CUX1: variants seen among roughly 807,000 people sequenced by gnomAD.
CUX1 encodes cut like homeobox 1, also known as protein CASP.
A neutral mutation model predicts 158.8 loss-of-function variants in CUX1; 31 were observed. That is an observed-to-expected ratio of 0.20 (90% CI 0.15 to 0.26). The LOEUF (loss-of-function observed/expected upper bound fraction) is 0.26. CUX1 is among the 10% of genes least tolerant of loss of function. The pLI is 1.00. For missense variants in CUX1, 1,589 were observed against 2,014.6 expected, an observed-to-expected ratio of 0.79 and a Z score of 4.04; for synonymous variants, 879 against 862.1, an observed-to-expected ratio of 1.02 and a Z score of -0.34.
At chr7:102,079,081 T>C (rs906292131) in intron 4 of CUX1, among the ~76,000 whole-genome samples, 6 of 152,226 alleles carry the variant, frequency 3.9e-5, no homozygotes, top group Admixed American at 3.3e-4. Context: ...TGTTCTTTTA[T>C]ACTTCTTTCT....
At chr7:102,186,094 T>C (rs782105431) in intron 11 of CUX1, among the ~76,000 whole-genome samples, 10 of 152,160 alleles carry the variant, frequency 6.6e-5, no homozygotes, top group Non-Finnish European at 1.2e-4. Flanking sequence ...GAAACCAGGC[T>C]TTCTGGGAAC....
Position 102,248,772 on chromosome 7 carries a change from C to T in CUX1, c.4248C>T (p.Ala1416=). 1 of 1,042,542 alleles carries T rather than the reference C, an allele frequency of 9.6e-7. No homozygotes were observed. The highest frequency in any genetic ancestry group is 1.2e-6 in the Non-Finnish European group (1 of 866,360). The allele number at this position is 1,042,542 out of a possible 1,614,324, so 64.6% of individuals were successfully genotyped here. Residue 1416 remains alanine (A), a synonymous_variant, in exon 24 of 24, where the codon GCC becomes GCT. Coordinates refer to ENST00000292535, the MANE Select transcript of CUX1 (RefSeq NM_181552.4). The surrounding 1 kb of genome is among the most constrained non-coding windows in gnomAD (Gnocchi z 5.8). ...CGACCGCCACCGCCGCGCCCGCGGC[C>T]CCCGAGGACGCCGCTACCTCAGCCG... ...ASATATAAPA[A]PEDAATSAAA... is the part of the protein sequence containing the mutation.
chr7:102,138,708 A>G lies in CUX1; in HGVS notation c.675-19852A>G, dbSNP rs1308801779. ...TGGACCTACAAATTCCTGCTGGTGA[A>G]TTCTTTAAAGTTATATGGATTTTCA... On this transcript the variant is annotated intron_variant, in intron 8 of 23. Transcript: ENST00000292535. Among the ~76,000 whole-genome samples the G allele has an allele frequency of 3.9e-5, 6 of 152,176 alleles. No individual in the cohort carries two copies. The East Asian group carries it at 5.8e-4, about 15-fold the overall frequency.
At chr7:102,123,837 A>G (rs919089884) in intron 8 of CUX1, among the ~76,000 whole-genome samples, 6 of 151,708 alleles carry the variant, frequency 4.0e-5, no homozygotes, top group African/African-American at 1.2e-4. Context: ...TAATTTTTGT[A>G]TTTTTAGTAG....
upstream of CUX1, chr7:101,817,623 G>A (rs1792012193): frequency 6.5e-7 from 1 of 1,549,098 alleles, no homozygotes; most frequent in African/African-American, 1.4e-5. The surrounding 1 kb of genome is among the most constrained non-coding windows in gnomAD (Gnocchi z 4.1). Context: ...GGACAGCCCC[G>A]GGACTCTGCC....
intron 2 of CUX1, among the ~76,000 whole-genome samples, chr7:101,953,918 T>C (rs2129162521): frequency 6.6e-6 from 1 of 152,336 alleles, no homozygotes; most frequent in Non-Finnish European, 1.5e-5. Context: ...ATGGGCAGCA[T>C]GTCTGTATGT....
chr7:102,221,412 T>C (rs1797779882), intron 20 of CUX1, among the ~76,000 whole-genome samples: 1 of 152,226 alleles, frequency 6.6e-6, no homozygotes, highest in Non-Finnish European at 1.5e-5. Flanking sequence ...GAAACGACTT[T>C]ATCCTGACTG....
Position 102,043,096 on chromosome 7 carries a change from G to A in CUX1, c.189+14951G>A, listed in dbSNP as rs112982675. On this transcript the variant is annotated intron_variant, in intron 3 of 23. Coordinates refer to ENST00000292535, the MANE Select transcript of CUX1 (RefSeq NM_181552.4). ...CTCCTGATTAGCAGGGACTGTGGACGTGTGCCACCACGCCTGGCTAATTTT... is the reference window on the plus strand; with the variant it reads ...CTCCTGATTAGCAGGGACTGTGGACATGTGCCACCACGCCTGGCTAATTTT... 9.0e-4 allele frequency among the ~76,000 whole-genome samples: 137 copies of A among 152,270 alleles called. 1 individual carries two copies. Among genetic ancestry groups the A allele is most frequent in the African/African-American group, 3.1e-3 (128 of 41,558 alleles).
chr7:102,060,562 T>TAC (rs958241921), intron 3 of CUX1, among the ~76,000 whole-genome samples: 4 of 149,830 alleles, frequency 2.7e-5, no homozygotes, highest in African/African-American at 2.5e-5. Flanking sequence ...AGTATATATA[T>TAC]ACACACACAC....
chr7:101,848,726 G>C (rs949427276), intron 1 of CUX1, among the ~76,000 whole-genome samples: 3 of 151,936 alleles, frequency 2.0e-5, no homozygotes, highest in Non-Finnish European at 2.9e-5. Flanking sequence ...AGAAGACAAA[G>C]TGTGGCCGGG....
chr7:102,207,138 A>T (rs1382537507), intron 20 of CUX1, among the ~76,000 whole-genome samples: 1 of 152,348 alleles, frequency 6.6e-6, no homozygotes, highest in East Asian at 1.9e-4. Context: ...TATTTGTAAA[A>T]TATCAATTGA....
At chr7:102,227,270 A>G (rs1554528879) in intron 20 of CUX1, 97 bp from the exon 21 acceptor site, 2 of 1,070,852 alleles carry the variant, frequency 1.9e-6, no homozygotes, top group African/African-American at 3.2e-5. Flanking sequence ...CTTCTCCTAC[A>G]GAGCGTTTAA....
At chr7:102,163,943 G>A (rs78231994) in intron 9 of CUX1, among the ~76,000 whole-genome samples, 9,732 of 152,282 alleles carry the variant, frequency 0.064, 428 homozygotes, top group African/African-American at 0.11. Flanking sequence ...TGGAGAAGTA[G>A]CAGAGGGGTC....
chr7:102,117,271 G>A (rs914757778), intron 8 of CUX1, among the ~76,000 whole-genome samples: 2 of 151,848 alleles, frequency 1.3e-5, no homozygotes, highest in Admixed American at 6.6e-5. Flanking sequence ...GGTGGCGTGC[G>A]CCTGTAACCC....
At chr7:102,199,027 C>T (rs1404676287) in intron 16 of CUX1, among the ~76,000 whole-genome samples, 160 bp downstream of exon 16, 2 of 152,142 alleles carry the variant, frequency 1.3e-5, no homozygotes, top group Admixed American at 6.6e-5. Context: ...TCAAGCACAC[C>T]CAGCCCCTTC....
intron 1 of CUX1, among the ~76,000 whole-genome samples, chr7:101,839,825 G>A (rs149386081): frequency 5.9e-5 from 9 of 152,044 alleles, no homozygotes; most frequent in Admixed American, 1.3e-4. Context: ...ACAATGGCGC[G>A]GTCTTGGCTC....
At chr7:102,171,454 CT>C (rs1387555080) in intron 10 of CUX1, among the ~76,000 whole-genome samples, 1 of 123,276 alleles carries the variant, frequency 8.1e-6, no homozygotes, top group South Asian at 2.7e-4. Flanking sequence ...TTTTTTTTTT[CT>C]TTTTTTTTCT....
At chr7:102,073,682 A>C (rs1180131640) in intron 4 of CUX1, among the ~76,000 whole-genome samples, 1 of 152,168 alleles carries the variant, frequency 6.6e-6, no homozygotes. Flanking sequence ...AACCTTGTCC[A>C]TGTACATGTA....
intron 12 of CUX1, among the ~76,000 whole-genome samples, chr7:102,190,339 C>T (rs1794140512): frequency 6.6e-6 from 1 of 152,214 alleles, no homozygotes; most frequent in Admixed American, 6.5e-5. Flanking sequence ...AGCTTATCAT[C>T]TTTTCAGGGC....
Sources: allele counts gnomAD v4.1 joint callset (sites outside exome capture counted in the v4.1 genomes callset), GRCh38; gene constraint gnomAD v4.1.1; non-coding constraint Gnocchi (gnomAD v3.1); transcripts MANE v1.5; gene names NCBI Gene and HGNC (gene_info 2026-07-23, HGNC 2026-07-21).